PSMC6: variants seen among roughly 807,000 people sequenced by gnomAD.
The protein encoded by PSMC6 is proteasome 26S subunit, ATPase 6.
In PSMC6, 3 loss-of-function variants were observed where a neutral mutation model predicts 55.9. The ratio of observed to expected loss-of-function variants is 0.05; its 90% CI spans 0.02 to 0.14. The LOEUF (loss-of-function observed/expected upper bound fraction) is 0.14, where lower values mean the gene tolerates loss of function less well. Ranked by LOEUF, PSMC6 falls within the 10% of genes least tolerant of loss-of-function variation. PSMC6 has a pLI of 1.00. For missense variants in PSMC6, 210 were observed against 478.7 expected (o/e 0.44, Z 5.24); for synonymous variants, 137 against 155.9 (o/e 0.88, Z 0.90).
At chr14:52,721,702 A>G in intron 12 of PSMC6, 1 of 153,012 alleles carries the variant, frequency 6.5e-6, no homozygotes, top group Non-Finnish European at 1.5e-5. Flanking sequence ...GGGAAGTGCC[A>G]GGACCAGGCA....
chr14:52,724,126 C>T, intron 13 of PSMC6, 90 bp downstream of exon 13: 1 of 1,243,260 alleles, frequency 8.0e-7, no homozygotes, highest in Non-Finnish European at 1.2e-6. Flanking sequence ...GGAGCATAGA[C>T]TTTGCAAGGA....
intron 6 of PSMC6, among the ~76,000 whole-genome samples, chr14:52,713,138 G>A (rs1442661989): frequency 1.3e-5 from 2 of 152,114 alleles, no homozygotes; most frequent in Non-Finnish European, 2.9e-5. Context: ...GCTGAGACAG[G>A]AGAATCTCTT....
At chr14:52,723,835 G>A in intron 12 of PSMC6, 130 bp from the exon 13 acceptor site, 1 of 1,439,418 alleles carries the variant, frequency 6.9e-7, no homozygotes, top group Non-Finnish European at 9.1e-7. Context: ...TAATATTGTG[G>A]AAAGTTAACA....
intron 12 of PSMC6, chr14:52,723,710 AATAGAT>A: frequency 1.3e-6 from 1 of 754,320 alleles, no homozygotes; most frequent in South Asian, 2.5e-5. Context: ...ACTGTATAAA[AATAGAT>A]TAAGATATTT....
chr14:52,710,979 C>A (rs2041765534), intron 4 of PSMC6, 122 bp from the exon 5 acceptor site: 12 of 785,696 alleles, frequency 1.5e-5, no homozygotes, highest in Non-Finnish European at 2.1e-5. Flanking sequence ...AGTTTATAAT[C>A]TGATATTTGT....
intron 13 of PSMC6, among the ~76,000 whole-genome samples, chr14:52,727,188 T>C (rs1880457533): frequency 7.1e-6 from 1 of 140,830 alleles, no homozygotes; most frequent in Non-Finnish European, 1.6e-5. Flanking sequence ...GCCCAGCTAA[T>C]TTTTTTTTTT....
chr14:52,710,955 T>C (rs1594847632), intron 4 of PSMC6, 146 bp from the exon 5 acceptor site: 2 of 629,852 alleles, frequency 3.2e-6, no homozygotes, highest in East Asian at 3.3e-5. Context: ...TTATAAGCCA[T>C]TTTGTTAGCA....
At chr14:52,717,482 T>C (rs1412299767) in intron 7 of PSMC6, among the ~76,000 whole-genome samples, 2 of 151,544 alleles carry the variant, frequency 1.3e-5, no homozygotes, top group African/African-American at 4.8e-5. Context: ...ACTACAGGCA[T>C]GTGCCACCAC....
intron 4 of PSMC6, 111 bp from the exon 5 acceptor site, chr14:52,710,990 G>T: frequency 1.2e-6 from 1 of 862,908 alleles, no homozygotes; most frequent in Non-Finnish European, 1.9e-6. Context: ...TGATATTTGT[G>T]TTCTCTCTGG....
At position 52,727,903 on chromosome 14, in the gene PSMC6, T is replaced by TA. The variant is rs2139862999; in HGVS notation, c.*287dup. On this transcript the variant is annotated 3_prime_UTR_variant, in exon 14 of 14. Transcript: ENST00000445930. ...TATTGAAAGTGGTTTGAGATAGTGG[T>TA]ATAAGAAAGCATTTCTTATGACTTA... The TA allele has an allele frequency of 1.2e-5, 3 of 247,770 alleles. No individual in the cohort carries two copies. The South Asian group carries it at 2.0e-4, about 16-fold the overall frequency. The allele number at this position is 247,770 out of a possible 1,614,324, so 15.3% of individuals were successfully genotyped here.
intron 13 of PSMC6, among the ~76,000 whole-genome samples, chr14:52,725,189 A>G (rs767712336): frequency 6.6e-6 from 1 of 152,242 alleles, no homozygotes; most frequent in Non-Finnish European, 1.5e-5. Flanking sequence ...CCAAATTATT[A>G]TCAGAAGATT....
At chr14:52,721,042 T>C in intron 11 of PSMC6, 61 bp downstream of exon 11, 1 of 1,589,608 alleles carries the variant, frequency 6.3e-7, no homozygotes. Flanking sequence ...TTTTCCATAC[T>C]TCACTTCACC....
At chr14:52,709,678 A>T (rs376442580) in intron 4 of PSMC6, 6 of 428,336 alleles carry the variant, frequency 1.4e-5, no homozygotes, top group African/African-American at 1.3e-4. Context: ...CGAAGTATAT[A>T]TAAGTTGAGT....
intron 10 of PSMC6, among the ~76,000 whole-genome samples, chr14:52,720,387 A>AAAC (rs2041878218): frequency 6.7e-6 from 1 of 149,780 alleles, no homozygotes; most frequent in Non-Finnish European, 1.5e-5. Context: ...AAAAAAAAAA[A>AAAC]AAAAAAAAAA....
chr14:52,724,329 C>A (rs1012247223), intron 13 of PSMC6, among the ~76,000 whole-genome samples: 1 of 152,166 alleles, frequency 6.6e-6, no homozygotes, highest in African/African-American at 2.4e-5. Context: ...GAGACTAGAA[C>A]ATTGATTTAC....
At chr14:52,710,892 A>G (rs981035291) in intron 4 of PSMC6, 28 of 569,546 alleles carry the variant, frequency 4.9e-5, no homozygotes, top group Non-Finnish European at 8.2e-5. Flanking sequence ...CTGAGATTAC[A>G]CAAAGGGGCA....
intron 7 of PSMC6, among the ~76,000 whole-genome samples, chr14:52,716,978 A>C (rs1160686803): frequency 6.6e-6 from 1 of 152,228 alleles, no homozygotes; most frequent in Admixed American, 6.5e-5. Flanking sequence ...GGTTACCAGA[A>C]GTTGTGGTGG....
intron 6 of PSMC6, among the ~76,000 whole-genome samples, chr14:52,712,477 T>C (rs1037027011): frequency 6.6e-6 from 1 of 151,938 alleles, no homozygotes; most frequent in African/African-American, 2.4e-5. Flanking sequence ...CTTTCAACAG[T>C]GATTTGCTGC....
intron 4 of PSMC6, chr14:52,709,720 G>T: frequency 6.3e-6 from 2 of 315,706 alleles, no homozygotes; most frequent in Non-Finnish European, 1.2e-5. Context: ...AGCCAGAAAT[G>T]TGTTTTAGAT....
Sources: gnomAD v4.1 joint callset for allele counts (sites outside exome capture counted in the v4.1 genomes callset) on GRCh38, gnomAD v4.1.1 for gene constraint, MANE v1.5 for transcripts, NCBI Gene and HGNC (gene_info 2026-07-23, HGNC 2026-07-21) for gene names.